Variants in ST18 observed in about 807,000 individuals in gnomAD.
ST18 encodes suppression of tumorigenicity 18 protein.
A neutral mutation model predicts 110.0 loss-of-function variants in ST18; 50 were observed. The observed-to-expected ratio is 0.45, with a 90% CI of 0.36 to 0.58. The LOEUF is 0.58. Ranked by LOEUF, ST18 falls within the 20% of genes least tolerant of loss-of-function variation. The pLI, the probability that ST18 is intolerant of heterozygous loss-of-function variation, is 0.00. For missense variants in ST18, 1,306 were observed against 1,280.1 expected (o/e 1.02, Z -0.31); for synonymous variants, 461 against 452.4 (o/e 1.02, Z -0.24).
At chr8:52,400,070 C>T (rs1430584445) in intron 2 of ST18, among the ~76,000 whole-genome samples, 2 of 151,976 alleles carry the variant, frequency 1.3e-5, no homozygotes, top group African/African-American at 4.8e-5. Flanking sequence ...TCAATATTTG[C>T]TTTATATACT....
chr8:52,287,125 T>G lies in ST18; in HGVS notation c.-464-57048A>C, dbSNP rs532910638. Among the ~76,000 whole-genome samples the G allele has an allele frequency of 9.2e-5, 14 of 152,312 alleles. No individual in the cohort carries two copies. In the South Asian group the frequency reaches 2.7e-3, roughly 29 times the overall value. On this transcript the variant is annotated intron_variant, in intron 2 of 25. Coordinates refer to ENST00000689386, the MANE Select transcript of ST18 (RefSeq NM_001352837.2). ...AAAGACTGTTCCAAAAAATCTAGAATTTCAGTAAGCCTTTTAAACATTAAC... is the reference window on the plus strand; with the variant it reads ...AAAGACTGTTCCAAAAAATCTAGAAGTTCAGTAAGCCTTTTAAACATTAAC...
chr8:52,113,427 G>C (rs1436495205), intron 25 of ST18, 89 bp from the exon 26 acceptor site: 5 of 1,511,456 alleles, frequency 3.3e-6, no homozygotes, highest in Non-Finnish European at 4.5e-6. Context: ...TCAGTGATCC[G>C]GGAGTCGGGA....
At chr8:52,293,666 T>C (rs2095589848) in intron 2 of ST18, among the ~76,000 whole-genome samples, 2 of 152,224 alleles carry the variant, frequency 1.3e-5, no homozygotes. Context: ...TTGCTGCTTT[T>C]ATTTTCTCTC....
At chr8:52,340,059 C>G (rs568162169) in intron 2 of ST18, among the ~76,000 whole-genome samples, 9 of 152,282 alleles carry the variant, frequency 5.9e-5, no homozygotes, top group Non-Finnish European at 1.2e-4. Flanking sequence ...GTAGGGCTTC[C>G]TAGATTCAAA....
intron 2 of ST18, among the ~76,000 whole-genome samples, chr8:52,323,491 T>C (rs1321370802): frequency 2.6e-5 from 4 of 152,240 alleles, no homozygotes; most frequent in East Asian, 1.9e-4. Flanking sequence ...AATACCTCTC[T>C]TCTTAAAGCT....
chr8:52,300,135 C>G (rs567907133), intron 2 of ST18, among the ~76,000 whole-genome samples: 1 of 152,146 alleles, frequency 6.6e-6, no homozygotes, highest in South Asian at 2.1e-4. Context: ...CACAAATAAT[C>G]CAGCTTTTTT....
At chr8:52,393,853 G>T (rs145307892) in intron 2 of ST18, 2 of 139,858 alleles carry the variant, frequency 1.4e-5, no homozygotes, top group African/African-American at 5.5e-5. Flanking sequence ...ATTGTACTCC[G>T]CCTGGGCGAC....
At chr8:52,131,817 A>G (rs2049720869) in intron 22 of ST18, 141 bp downstream of exon 22, 7 of 671,494 alleles carry the variant, frequency 1.0e-5, no homozygotes, top group Middle Eastern at 3.4e-4. Flanking sequence ...TCCAGTATCT[A>G]TACAGCAAGA....
intron 16 of ST18, among the ~76,000 whole-genome samples, chr8:52,145,504 T>C (rs1282960032): frequency 6.6e-6 from 1 of 152,192 alleles, no homozygotes; most frequent in Non-Finnish European, 1.5e-5. Flanking sequence ...TGTATTAAAA[T>C]CCAGGTGGCT....
At chr8:52,383,874 A>C (rs1196833942) in intron 2 of ST18, among the ~76,000 whole-genome samples, 1 of 152,140 alleles carries the variant, frequency 6.6e-6, no homozygotes, top group Admixed American at 6.5e-5. Flanking sequence ...CAGCCTCCTG[A>C]GTAGCTGGGA....
chr8:52,166,326 A>G (rs1404673860), intron 11 of ST18, among the ~76,000 whole-genome samples: 1 of 152,212 alleles, frequency 6.6e-6, no homozygotes, highest in Non-Finnish European at 1.5e-5. Context: ...AATCCAGCCA[A>G]TCTGGAACCC....
intron 2 of ST18, among the ~76,000 whole-genome samples, chr8:52,402,460 G>A (rs1843086799): frequency 6.6e-6 from 1 of 152,094 alleles, no homozygotes; most frequent in Admixed American, 6.5e-5. Flanking sequence ...GTTCAAGGAT[G>A]TAGCTGTGAC....
rs35300394 is a variant in ST18 at position 52,142,959 on chromosome 8, A to C, written c.2139T>G (p.His713Gln). The C allele has an allele frequency of 1.9e-5, 30 of 1,613,972 alleles. No individual in the cohort carries two copies. The highest frequency in any genetic ancestry group is 3.3e-5 in the South Asian group (3 of 91,082). Residue 713 changes from histidine to glutamine, a missense_variant, in exon 17 of 26, where the codon CAT becomes CAG. By Grantham distance (24) the His-to-Gln change is conservative. Coordinates refer to ENST00000689386, the MANE Select transcript of ST18 (RefSeq NM_001352837.2). ...TTAGTTCCTTTTTGAGATCTCTTGC[A>C]TGAAGCTTGGGTTTAGGGCTTGGTA... ...ASIPSPKPKL[H>Q]ARDLKKELIT...
intron 2 of ST18, among the ~76,000 whole-genome samples, chr8:52,312,746 A>G (rs2095944023): frequency 6.6e-6 from 1 of 152,182 alleles, no homozygotes; most frequent in Admixed American, 6.5e-5. Context: ...ACAAGAAAGC[A>G]GTTAGCTTGA....
At chr8:52,399,790 A>T (rs1365761485) in intron 2 of ST18, among the ~76,000 whole-genome samples, 2 of 151,988 alleles carry the variant, frequency 1.3e-5, no homozygotes, top group Non-Finnish European at 2.9e-5. Flanking sequence ...GGTTGGAAAA[A>T]AATGGTACAT....
At chr8:52,302,181 T>C (rs557614451) in intron 2 of ST18, among the ~76,000 whole-genome samples, 1 of 152,144 alleles carries the variant, frequency 6.6e-6, no homozygotes, top group Admixed American at 6.5e-5. Context: ...TGGTCAAATA[T>C]AAGGATGATA....
intron 2 of ST18, among the ~76,000 whole-genome samples, chr8:52,320,975 T>C (rs1009431313): frequency 6.6e-6 from 1 of 152,196 alleles, no homozygotes; most frequent in African/African-American, 2.4e-5. Context: ...GTTAAAATAT[T>C]TGGCTAACTT....
intron 2 of ST18, among the ~76,000 whole-genome samples, chr8:52,359,633 A>C (rs1246149745): frequency 6.6e-6 from 1 of 152,124 alleles, no homozygotes; most frequent in Non-Finnish European, 1.5e-5. Context: ...CAGAGAGATA[A>C]AATGATTTGT....
At chr8:52,358,638 A>T (rs1463881863) in intron 2 of ST18, among the ~76,000 whole-genome samples, 1 of 151,930 alleles carries the variant, frequency 6.6e-6, no homozygotes, top group Admixed American at 6.6e-5. Flanking sequence ...AACTACCAAA[A>T]CTGACTCGAG....
Sources: allele counts gnomAD v4.1 joint callset (sites outside exome capture counted in the v4.1 genomes callset), GRCh38; gene constraint gnomAD v4.1.1; transcripts MANE v1.5; gene names NCBI Gene and HGNC (gene_info 2026-07-23, HGNC 2026-07-21).